Variants in RILPL1 observed in about 807,000 individuals in gnomAD.
The protein encoded by RILPL1 is Rab interacting lysosomal protein like 1.
In RILPL1, 33 loss-of-function variants were observed where a neutral mutation model predicts 50.3. The observed-to-expected ratio is 0.66, with a 90% confidence interval of 0.50 to 0.88. The LOEUF is 0.88. Among genes scored for constraint, RILPL1 ranks in the 40% least tolerant of loss-of-function variants. The pLI, the probability that RILPL1 is intolerant of heterozygous loss-of-function variation, is 0.00. For missense variants in RILPL1, 418 were observed against 542.5 expected (o/e 0.77, Z 2.28); for synonymous variants, 205 against 228.6 (o/e 0.90, Z 0.93).
chr12:123,525,368 C>T (rs1402991311), intron 1 of RILPL1, among the ~76,000 whole-genome samples: 11 of 148,112 alleles, frequency 7.4e-5, no homozygotes, highest in African/African-American at 2.5e-5. Context: ...AGGCAGACGC[C>T]ACCATGACTG....
At chr12:123,478,201 A>G (rs1881729349) in intron 6 of RILPL1, among the ~76,000 whole-genome samples, 1 of 151,212 alleles carries the variant, frequency 6.6e-6, no homozygotes, top group East Asian at 2.0e-4. Flanking sequence ...GGGTCTTGCT[A>G]TGTTGCCCAG....
chr12:123,526,025 GC>G (rs1329067443), intron 1 of RILPL1, among the ~76,000 whole-genome samples: 1 of 152,172 alleles, frequency 6.6e-6, no homozygotes, highest in Non-Finnish European at 1.5e-5. Context: ...TGGTTTAAGG[GC>G]CAGGCGCAGT....
chr12:123,513,197 GTC>G (rs1308144695), intron 2 of RILPL1, among the ~76,000 whole-genome samples: 1 of 151,788 alleles, frequency 6.6e-6, no homozygotes, highest in East Asian at 1.9e-4. Flanking sequence ...GTATGTGTGT[GTC>G]TGTGTGGGTG....
chr12:123,485,064 C>CA lies in RILPL1; in HGVS notation c.974+568dup, dbSNP rs1882239924. ...TTATCTTCCCCACTGGAGCAGGGAC[C>CA]ACCTCTGGTGCATGGGTCCTTCCTT... On this transcript the variant is annotated intron_variant, in intron 5 of 6. Coordinates refer to ENST00000376874, the MANE Select transcript of RILPL1 (RefSeq NM_178314.5). The surrounding 1 kb of genome is among the most constrained non-coding windows in gnomAD (Gnocchi z 4.0). 6.8e-6 allele frequency: 3 copies of CA among 439,252 alleles called. No individual in the cohort carries two copies. The highest frequency in any genetic ancestry group is 4.7e-5 in the South Asian group (3 of 63,738). The allele number at this position is 439,252 out of a possible 1,614,324, so 27.2% of individuals were successfully genotyped here. A position where few individuals can be genotyped will look rare whatever the true frequency, so the allele number is the denominator to read the frequency against.
chr12:123,511,209 T>A lies in RILPL1; in HGVS notation c.461-11673A>T, dbSNP rs1283366059. Among the ~76,000 whole-genome samples the A allele has an allele frequency of 1.4e-5, 2 of 141,046 alleles. 1 individual carries two copies. The highest frequency in any genetic ancestry group is 3.1e-5 in the Non-Finnish European group (2 of 65,296). 92.5% of individuals were successfully genotyped at this position (141,046 alleles called of 152,430 possible). A position where few individuals can be genotyped will look rare whatever the true frequency, so the allele number is the denominator to read the frequency against. The stretch of plus-strand genomic sequence containing the variant: ...GTGTGTGTGGTGTGTGAGGTCTGTA[T>A]GTGTGTGTGTGGTGTGTCTGAGGTC... On this transcript the variant is annotated intron_variant, in intron 2 of 6. Transcript: ENST00000376874.
intron 2 of RILPL1, among the ~76,000 whole-genome samples, chr12:123,520,873 C>T (rs950915862): frequency 2.0e-5 from 3 of 152,116 alleles, no homozygotes; most frequent in African/African-American, 4.8e-5. Flanking sequence ...AACACCACGG[C>T]GGATCAATCC....
chr12:123,523,951 C>A (rs1406089514), intron 1 of RILPL1, among the ~76,000 whole-genome samples: 1 of 152,248 alleles, frequency 6.6e-6, no homozygotes, highest in African/African-American at 2.4e-5. Context: ...AGAGCAGCCC[C>A]AGGATACGGG....
At position 123,471,032 on chromosome 12, in the gene RILPL1, A is replaced by T. The variant is rs1357838196; in HGVS notation, c.*1506T>A. The T allele has an allele frequency of 6.6e-6, 1 of 151,318 alleles. No homozygotes were observed. Among genetic ancestry groups the T allele is most frequent in the African/African-American group, 2.4e-5 (1 of 41,170 alleles). The allele number at this position is 151,318 out of a possible 1,614,324, so 9.4% of individuals were successfully genotyped here. ...TTTCGGCAATCTGGAAGCAGAGTCC[A>T]TTCTAGATTCTGCAAATTCACCTGA... On this transcript the variant is annotated 3_prime_UTR_variant, in exon 7 of 7. Coordinates refer to ENST00000376874, the MANE Select transcript of RILPL1 (RefSeq NM_178314.5).
intron 1 of RILPL1, among the ~76,000 whole-genome samples, chr12:123,526,031 C>T (rs7298959): frequency 0.028 from 4,320 of 152,224 alleles, 181 homozygotes; most frequent in African/African-American, 0.095. Context: ...AAGGGCCAGG[C>T]GCAGTGGCTC....
chr12:123,526,671 C>T (rs1885271512), intron 1 of RILPL1, among the ~76,000 whole-genome samples: 1 of 152,218 alleles, frequency 6.6e-6, no homozygotes, highest in Non-Finnish European at 1.5e-5. Flanking sequence ...CTCAGACCCA[C>T]CTCCTTTGTC....
At chr12:123,499,798 G>A (rs1052067080) in intron 2 of RILPL1, among the ~76,000 whole-genome samples, 11 of 151,878 alleles carry the variant, frequency 7.2e-5, no homozygotes, top group African/African-American at 2.4e-4. Context: ...TGGCTGGCGC[G>A]CTTCATTTTT....
At position 123,472,421 on chromosome 12, in the gene RILPL1, AG is replaced by A; in HGVS notation, c.*116del. 3 of 1,092,138 alleles carry A rather than the reference AG, an allele frequency of 2.7e-6. No individual in the cohort carries two copies. Among genetic ancestry groups the A allele is most frequent in the Non-Finnish European group, 2.6e-6 (2 of 767,928 alleles). The allele number at this position is 1,092,138 out of a possible 1,614,324, so 67.7% of individuals were successfully genotyped here. On this transcript the variant is annotated 3_prime_UTR_variant, in exon 7 of 7. Coordinates refer to ENST00000376874, the MANE Select transcript of RILPL1 (RefSeq NM_178314.5). ...AATCAGACAGTCTGTTTGAGGGGTC[AG>A]TTTTCAGGGTGCATCTGCACCGAGA...
chr12:123,498,414 G>T lies in RILPL1; in HGVS notation c.801+130C>A. The T allele has an allele frequency of 1.4e-6, 1 of 732,694 alleles. No individual in the cohort carries two copies. Among genetic ancestry groups the T allele is most frequent in the Non-Finnish European group, 2.3e-6 (1 of 437,814 alleles). 45.4% of individuals were successfully genotyped at this position (732,694 alleles called of 1,614,324 possible). ...AAAAAAAATGTTTGTAGAGAATTGG[G>T]GTCTTGCTATGTTGCCCAGGTTGGC... On this transcript the variant is annotated intron_variant, in intron 4 of 6. Transcript: ENST00000376874. The surrounding 1 kb of genome is among the most constrained non-coding windows in gnomAD (Gnocchi z 4.3).
intron 4 of RILPL1, among the ~76,000 whole-genome samples, chr12:123,495,677 GTTTT>G (rs33979230): frequency 5.1e-4 from 53 of 103,400 alleles, no homozygotes; most frequent in African/African-American, 2.1e-3. Context: ...CCTGGCCCCA[GTTTT>G]TTTTTTTTTT....
chr12:123,533,222 C>T lies in RILPL1; in HGVS notation c.261G>A (p.Leu87=). 1.9e-6 allele frequency: 3 copies of T among 1,591,582 alleles called. No individual in the cohort carries two copies. The highest frequency in any genetic ancestry group is 2.6e-6 in the Non-Finnish European group (3 of 1,175,250). Residue 87 remains leucine (L), a synonymous_variant, in exon 1 of 7, where the codon CTG becomes CTA. Transcript: ENST00000376874. This position sits in a 1 kb window ranked among gnomAD's most constrained non-coding sequence, Gnocchi z 6.2. ...LDELRLELDR[L]RLERMDRIEK... ...CGATGCGGTCCATCCTCTCCAGGCGCAGGCGGTCCAGCTCCAGGCGCAGCT... is the reference window on the plus strand; with the variant it reads ...CGATGCGGTCCATCCTCTCCAGGCGTAGGCGGTCCAGCTCCAGGCGCAGCT...
intron 2 of RILPL1, among the ~76,000 whole-genome samples, chr12:123,520,461 A>G (rs1884958713): frequency 6.6e-6 from 1 of 152,252 alleles, no homozygotes; most frequent in Non-Finnish European, 1.5e-5. Context: ...TGGGAGGCTG[A>G]GGCAGGAGGA....
chr12:123,471,930 C>T lies in RILPL1; in HGVS notation c.*608G>A, dbSNP rs1881214573. On this transcript the variant is annotated 3_prime_UTR_variant, in exon 7 of 7. Transcript: ENST00000376874. ...CTCTAGGCATTATCAGGAACGCAGCCAGGGTGCCTGCAAAGTTGTCTCCAG... is the reference window on the plus strand; with the variant it reads ...CTCTAGGCATTATCAGGAACGCAGCTAGGGTGCCTGCAAAGTTGTCTCCAG... 6.5e-6 allele frequency: 1 copy of T among 153,598 alleles called. No individual in the cohort carries two copies. Among genetic ancestry groups the T allele is most frequent in the Non-Finnish European group, 1.5e-5 (1 of 68,754 alleles). The allele number at this position is 153,598 out of a possible 1,614,324, so 9.5% of individuals were successfully genotyped here.
chr12:123,475,785 T>C (rs578012590), intron 6 of RILPL1: 7 of 1,372,718 alleles, frequency 5.1e-6, no homozygotes, highest in African/African-American at 2.9e-5. Flanking sequence ...ACAGAGAAGA[T>C]AAAAACGGGA....
chr12:123,531,262 G>A (rs1056031239), intron 1 of RILPL1, among the ~76,000 whole-genome samples: 4 of 152,090 alleles, frequency 2.6e-5, no homozygotes, highest in Admixed American at 6.6e-5. Flanking sequence ...CTGAGCGCAC[G>A]GTGTTCACTT....
Sources: gnomAD v4.1 joint callset for allele counts (sites outside exome capture counted in the v4.1 genomes callset) on GRCh38, gnomAD v4.1.1 for gene constraint, Gnocchi (gnomAD v3.1) non-coding constraint, MANE v1.5 for transcripts, NCBI Gene and HGNC (gene_info 2026-07-23, HGNC 2026-07-21) for gene names.